REDIC1: variants seen among roughly 807,000 people sequenced by gnomAD.
The protein encoded by REDIC1 is regulator of DNA class I crossover intermediates 1.
chr12:39,805,892 G>C, the REDIC1 span, among the ~76,000 whole-genome samples: 1 of 152,130 alleles, frequency 6.6e-6, no homozygotes, highest in East Asian at 1.9e-4. Flanking sequence ...AGAAAGCTGT[G>C]GGCAGGATTT....
the REDIC1 span, among the ~76,000 whole-genome samples, chr12:39,811,132 C>CA: frequency 6.6e-6 from 1 of 151,822 alleles, no homozygotes; most frequent in Non-Finnish European, 1.5e-5. Context: ...TATGTGTCAC[C>CA]AGGAATTTTC....
chr12:39,899,864 G>A, the REDIC1 span, among the ~76,000 whole-genome samples: 1 of 152,020 alleles, frequency 6.6e-6, no homozygotes, highest in Admixed American at 6.6e-5. Flanking sequence ...TATAATTTCT[G>A]TTCTTTTACA....
the REDIC1 span, among the ~76,000 whole-genome samples, chr12:39,886,680 G>A: frequency 5.3e-4 from 80 of 152,250 alleles, no homozygotes; most frequent in African/African-American, 1.9e-3. Flanking sequence ...ATTGGTTTTA[G>A]AAATGCCCTT....
At chr12:39,850,260 T>C in the REDIC1 span, among the ~76,000 whole-genome samples, 1 of 152,210 alleles carries the variant, frequency 6.6e-6, no homozygotes. Context: ...TATGAGTTTT[T>C]CTATTGTATT....
the REDIC1 span, among the ~76,000 whole-genome samples, chr12:39,899,427 A>C: frequency 6.6e-6 from 1 of 152,198 alleles, no homozygotes; most frequent in Middle Eastern, 3.4e-3. Flanking sequence ...CTTTCAAAAA[A>C]CCAGCTCCTG....
chr12:39,832,716 C>G, the REDIC1 span, among the ~76,000 whole-genome samples: 4 of 14,826 alleles, frequency 2.7e-4, no homozygotes, highest in Admixed American at 3.7e-3. Flanking sequence ...CCTCTACTTG[C>G]TATTATCAGT....
the REDIC1 span, among the ~76,000 whole-genome samples, chr12:39,854,333 G>T: frequency 0.013 from 1,927 of 152,188 alleles, 56 homozygotes; most frequent in African/African-American, 0.044. Flanking sequence ...CTTGAATATT[G>T]TAAGAGCTTA....
chr12:39,858,581 G>A, the REDIC1 span, among the ~76,000 whole-genome samples: 9 of 152,122 alleles, frequency 5.9e-5, no homozygotes, highest in Admixed American at 5.9e-4. Flanking sequence ...GGAAAAAAGA[G>A]GGGCTAATAG....
the REDIC1 span, among the ~76,000 whole-genome samples, chr12:39,712,716 CGTATACG>C: frequency 2.4e-5 from 3 of 126,444 alleles, no homozygotes; most frequent in Admixed American, 7.6e-5. Flanking sequence ...TGTATATAGA[CGTATACG>C]TGTATATATG....
At chr12:39,829,472 T>TC in the REDIC1 span, 1 of 107,610 alleles carries the variant, frequency 9.3e-6, no homozygotes, top group African/African-American at 4.2e-5. Flanking sequence ...AGTGGTTTGA[T>TC]CTCAGCTCAC....
chr12:39,688,694 G>A, the REDIC1 span, among the ~76,000 whole-genome samples: 9 of 152,262 alleles, frequency 5.9e-5, no homozygotes, highest in South Asian at 1.9e-3. Flanking sequence ...TTTGATAAGT[G>A]GAACAGCTCA....
At chr12:39,856,076 G>C in the REDIC1 span, among the ~76,000 whole-genome samples, 1 of 152,108 alleles carries the variant, frequency 6.6e-6, no homozygotes, top group African/African-American at 2.4e-5. Context: ...ACAAAGGCTT[G>C]GATGCTTCCT....
the REDIC1 span, among the ~76,000 whole-genome samples, chr12:39,827,746 C>A: frequency 7.2e-5 from 11 of 152,152 alleles, no homozygotes; most frequent in African/African-American, 2.4e-4. Flanking sequence ...TACTGATGGA[C>A]CTTTGAAGTT....
the REDIC1 span, among the ~76,000 whole-genome samples, chr12:39,731,507 G>T: frequency 6.6e-6 from 1 of 152,130 alleles, no homozygotes. Context: ...ATTTCTGCCT[G>T]TTCCTTCCTC....
chr12:39,702,430 T>A, the REDIC1 span, among the ~76,000 whole-genome samples: 1 of 152,132 alleles, frequency 6.6e-6, no homozygotes, highest in Non-Finnish European at 1.5e-5. Flanking sequence ...TCTGAAATTG[T>A]GGCAATAATC....
chr12:39,696,694 C>T, the REDIC1 span, among the ~76,000 whole-genome samples: 1 of 149,762 alleles, frequency 6.7e-6, no homozygotes, highest in African/African-American at 2.5e-5. Context: ...AGAAGGAATT[C>T]AGAAGTATAT....
At chr12:39,884,329 A>T in the REDIC1 span, among the ~76,000 whole-genome samples, 1,862 of 152,324 alleles carry the variant, frequency 0.012, 41 homozygotes, top group African/African-American at 0.042. Context: ...CAAGGAACTT[A>T]CACATGTCTT....
chr12:39,711,543 G>A, the REDIC1 span, among the ~76,000 whole-genome samples: 2 of 111,364 alleles, frequency 1.8e-5, no homozygotes, highest in South Asian at 6.3e-4. Flanking sequence ...ATACATATAT[G>A]TATGTGCATA....
the REDIC1 span, among the ~76,000 whole-genome samples, chr12:39,732,102 C>T: frequency 2.0e-5 from 3 of 152,274 alleles, no homozygotes; most frequent in South Asian, 6.2e-4. Context: ...TTTTACCACT[C>T]CAATTGTGCA....
Sources: gnomAD v4.1 joint callset for allele counts (sites outside exome capture counted in the v4.1 genomes callset) on GRCh38, gnomAD v4.1.1 for gene constraint, MANE v1.5 for transcripts, NCBI Gene and HGNC (gene_info 2026-07-23, HGNC 2026-07-21) for gene names.